Variants in MACF1 observed in about 807,000 individuals in gnomAD.
MACF1 encodes the protein microtubule actin crosslinking factor 1.
In MACF1, 193 loss-of-function variants were observed where a neutral mutation model predicts 854.8. The observed-to-expected ratio is 0.23, with a 90% CI of 0.20 to 0.25. MACF1 has a LOEUF of 0.25. Ranked by LOEUF, MACF1 falls within the 10% of genes least tolerant of loss-of-function variation. The pLI, the probability that MACF1 is intolerant of heterozygous loss-of-function variation, is 1.00. For synonymous variants in MACF1, 3,185 were observed against 3,226.7 expected, an observed-to-expected ratio of 0.99 and a Z score of 0.44; for missense variants, 7,722 against 8,929.1, an observed-to-expected ratio of 0.86 and a Z score of 5.45.
At chr1:39,134,601 G>A (rs1643116607) in intron 2 of MACF1, among the ~76,000 whole-genome samples, 1 of 152,094 alleles carries the variant, frequency 6.6e-6, no homozygotes, top group African/African-American at 2.4e-5. Context: ...TTTCAACTGT[G>A]TGCTTTTCCT....
At chr1:39,361,259 C>T (rs772815433) in intron 48 of MACF1, 101 bp from the exon 49 acceptor site, 54 of 1,193,404 alleles carry the variant, frequency 4.5e-5, no homozygotes, top group Admixed American at 1.4e-4. Context: ...CGGTTGCAGT[C>T]CTCCAGTCCC....
intron 58 of MACF1, chr1:39,414,146 C>T: frequency 6.2e-7 from 1 of 1,610,842 alleles, no homozygotes; most frequent in Non-Finnish European, 8.5e-7. Context: ...GAGGAGCCCG[C>T]CTCCCCAGCA....
chr1:39,411,098 T>C (rs1237943886), intron 58 of MACF1: 4 of 1,613,566 alleles, frequency 2.5e-6, no homozygotes, highest in Admixed American at 1.7e-5. Flanking sequence ...CAGCACCCCC[T>C]TGGGGACACA....
At position 39,459,809 on chromosome 1, in the gene MACF1, A is replaced by G. The variant is rs937890777; in HGVS notation, c.21360+560A>G. 3 of 1,302,860 alleles carry G rather than the reference A, an allele frequency of 2.3e-6. No homozygotes were observed. In the African/African-American group the frequency reaches 4.6e-5, roughly 20 times the overall value. 80.7% of individuals were successfully genotyped at this position (1,302,860 alleles called of 1,614,324 possible). On this transcript the variant is annotated intron_variant, in intron 91 of 100. Coordinates refer to ENST00000564288, the MANE Select transcript of MACF1 (RefSeq NM_001394062.1). ...ATCTTTTGTATTTTTTTATTTGTGC[A>G]TATCAAAGCAGCTATGCCTGGAAGT...
At chr1:39,480,434 G>A (rs938011179) in intron 98 of MACF1, among the ~76,000 whole-genome samples, 4 of 152,124 alleles carry the variant, frequency 2.6e-5, no homozygotes, top group Non-Finnish European at 4.4e-5. Flanking sequence ...AACATAGCAA[G>A]ACCATCTCTA....
chr1:39,223,622 C>T (rs1644679912), intron 1 of MACF1, among the ~76,000 whole-genome samples: 1 of 151,852 alleles, frequency 6.6e-6, no homozygotes, highest in Non-Finnish European at 1.5e-5. Flanking sequence ...TCAAGTGATC[C>T]TCGTGCCTTG....
At chr1:39,275,476 C>G (rs970896350) in intron 6 of MACF1, among the ~76,000 whole-genome samples, 7 of 152,056 alleles carry the variant, frequency 4.6e-5, no homozygotes, top group African/African-American at 1.7e-4. Flanking sequence ...GCCATAAACT[C>G]CTGGACTCAA....
intron 84 of MACF1, among the ~76,000 whole-genome samples, chr1:39,449,697 A>ATTTTTTTTTTTTTT (rs4012670): frequency 7.7e-6 from 1 of 129,778 alleles, no homozygotes; most frequent in African/African-American, 3.0e-5. Context: ...CGCGCCTGGC[A>ATTTTTTTTTTTTTT]TTTTTTTTTT....
intron 97 of MACF1, among the ~76,000 whole-genome samples, chr1:39,473,127 G>A (rs550773021): frequency 2.6e-5 from 4 of 152,290 alleles, no homozygotes; most frequent in Admixed American, 2.0e-4. Context: ...TCGTTATGAC[G>A]TGTAAGCGTA....
chr1:39,093,780 G>A lies in MACF1; in HGVS notation c.220+9342G>A, dbSNP rs545234905. On this transcript the variant is annotated intron_variant, in intron 2 of 93. Coordinates refer to the MACF1 transcript ENST00000361689. ...ATTACAGGTGTGAGCCATCACGCCC[G>A]GCCAAGGGATTCTTTTCTTTTTTTT... 9.5e-5 allele frequency among the ~76,000 whole-genome samples: 14 copies of A among 147,696 alleles called. No homozygotes were observed. The East Asian group carries it at 2.2e-3, about 24-fold the overall frequency.
chr1:39,242,692 G>A lies in MACF1; in HGVS notation c.172-7322G>A, dbSNP rs544866739. Reference sequence around the variant, plus strand: ...CGAGGCTATAGTGAGCTGTGATCGCGCCACTGCACTCTAGCCTGGGTGATG... The same window carrying A: ...CGAGGCTATAGTGAGCTGTGATCGCACCACTGCACTCTAGCCTGGGTGATG... On this transcript the variant is annotated intron_variant, in intron 2 of 100. Coordinates refer to ENST00000564288, the MANE Select transcript of MACF1 (RefSeq NM_001394062.1). Among the ~76,000 whole-genome samples the A allele has an allele frequency of 5.4e-5, 8 of 148,644 alleles. No individual in the cohort carries two copies. The South Asian group carries it at 1.1e-3, about 20-fold the overall frequency.
At chr1:39,384,204 A>G (rs895123754) in intron 56 of MACF1, among the ~76,000 whole-genome samples, 6 of 151,912 alleles carry the variant, frequency 3.9e-5, no homozygotes, top group Non-Finnish European at 5.9e-5. Flanking sequence ...GTCTTCTGCC[A>G]TTTGTCATCC....
chr1:39,152,194 G>C (rs1362047521), intron 2 of MACF1, among the ~76,000 whole-genome samples: 1 of 151,938 alleles, frequency 6.6e-6, no homozygotes, highest in African/African-American at 2.4e-5. Flanking sequence ...AGGATGGTCT[G>C]GATCTCCTGA....
At chr1:39,444,577 T>C in intron 79 of MACF1, 85 bp from the exon 80 acceptor site, 1 of 1,263,664 alleles carries the variant, frequency 7.9e-7, no homozygotes, top group East Asian at 2.5e-5. Flanking sequence ...CTTCCTGGAC[T>C]TTCCCAGACT....
chr1:39,443,455 T>C lies in MACF1; in HGVS notation c.19312T>C (p.Phe6438Leu), dbSNP rs1644160316. 6.2e-7 allele frequency: 1 copy of C among 1,611,924 alleles called. No individual in the cohort carries two copies. Among genetic ancestry groups the C allele is most frequent in the Non-Finnish European group, 8.5e-7 (1 of 1,179,360 alleles). The change falls in exon 79 of 101, where the codon TTC becomes CTC. Residue 6438 changes from phenylalanine to leucine, a missense_variant. Around this residue, in one of 15 missense-constraint regions of MACF1, gnomAD observed 729 missense variants for 900.5 expected, o/e 0.81. Coordinates refer to ENST00000564288, the MANE Select transcript of MACF1 (RefSeq NM_001394062.1). Reference protein sequence around the residue: ...LQSTLQQAQGFHSEIEDFLLE... With the variant: ...LQSTLQQAQGLHSEIEDFLLE... The stretch of plus-strand genomic sequence containing the variant: ...ATCTTTTTCTCAAAAGGCCCAGGGC[T>C]TCCACAGTGAAATTGAAGATTTCCT...
In MACF1 at chr1:39,424,056, A is replaced by G. The variant is rs996630285; in HGVS notation, c.16178A>G (p.Lys5393Arg). ...KLLQRLLDDR[K>R]ATVDMLQAEG... ...CTCCAGCGGCTCCTAGATGATCGAA[A>G]GGCCACAGTAGACATGCTTCAAGCA... Residue 5393 changes from lysine (K) to arginine (R), a missense_variant, in exon 61 of 101, where the codon AAG becomes AGG. Around this residue, in one of 15 missense-constraint regions of MACF1, gnomAD observed 2,807 missense variants for 3,235.8 expected, o/e 0.87. Transcript: ENST00000564288. 2.5e-6 allele frequency: 4 copies of G among 1,611,564 alleles called. No individual in the cohort carries two copies. Among genetic ancestry groups the G allele is most frequent in the Admixed American group, 3.4e-5 (2 of 59,558 alleles).
At chr1:39,092,064 C>T (rs1641821827) in intron 2 of MACF1, among the ~76,000 whole-genome samples, 1 of 152,170 alleles carries the variant, frequency 6.6e-6, no homozygotes, top group South Asian at 2.1e-4. Flanking sequence ...GAAGGCACTT[C>T]TACTCCTGCC....
At chr1:39,135,830 T>C (rs750614450) in intron 2 of MACF1, among the ~76,000 whole-genome samples, 2 of 152,186 alleles carry the variant, frequency 1.3e-5, no homozygotes, top group Non-Finnish European at 2.9e-5. Flanking sequence ...CTTGCTTCTC[T>C]CCCTCTCTCC....
chr1:39,331,207 G>C lies in MACF1; in HGVS notation c.4619G>C (p.Cys1540Ser). 1 of 1,175,344 alleles carries C rather than the reference G, an allele frequency of 8.5e-7. No individual in the cohort carries two copies. Among genetic ancestry groups the C allele is most frequent in the South Asian group, 1.4e-5 (1 of 69,542 alleles). The allele number at this position is 1,175,344 out of a possible 1,614,324, so 72.8% of individuals were successfully genotyped here. A position where few individuals can be genotyped will look rare whatever the true frequency, so the allele number is the denominator to read the frequency against. The change falls in exon 37 of 101, where the codon TGC becomes TCC. Residue 1540 changes from cysteine to serine, a missense_variant. By Grantham distance (112) the Cys-to-Ser change is moderately radical. This residue lies in a region of MACF1 where 1,531 missense variants were observed against 1,601.6 expected (regional missense o/e 0.96). Transcript: ENST00000564288. ...TTTTTTTTTTTTTTTTTTTAGGAAT[G>C]CAGAGCAGTTGCTGGGGTGATTGAC... ...QLAHQTEQKECRAVAGVIDLG... is the reference protein window; with the variant it reads ...QLAHQTEQKESRAVAGVIDLG...
Sources: gnomAD v4.1 joint callset for allele counts (sites outside exome capture counted in the v4.1 genomes callset) on GRCh38, gnomAD v4.1.1 for gene constraint, gnomAD v4.1.1 regional missense constraint, MANE v1.5 for transcripts, NCBI Gene and HGNC (gene_info 2026-07-23, HGNC 2026-07-21) for gene names.